Variants in DIAPH2 observed in about 807,000 individuals in gnomAD.
DIAPH2 encodes the protein protein diaphanous homolog 2.
In DIAPH2, 35 loss-of-function variants were observed where a neutral mutation model predicts 92.7. That is an observed-to-expected ratio of 0.38 (90% CI 0.29 to 0.50). The LOEUF is 0.50. Among genes scored for constraint, DIAPH2 ranks in the 20% least tolerant of loss-of-function variants. DIAPH2 has a pLI of 0.94. For missense variants in DIAPH2, 701 were observed against 819.5 expected, an observed-to-expected ratio of 0.86 and a Z score of 1.77; for synonymous variants, 301 against 280.4, an observed-to-expected ratio of 1.07 and a Z score of -0.73.
intron 21 of DIAPH2, among the ~76,000 whole-genome samples, chrX:97,118,939 A>G (rs2067034904): frequency 9.0e-6 from 1 of 111,661 alleles, no homozygotes; most frequent in Non-Finnish European, 1.9e-5. Flanking sequence ...TTTCTTGAAT[A>G]TTTCTCCCTT....
At chrX:96,887,510 C>T (rs1259794576) in intron 5 of DIAPH2, among the ~76,000 whole-genome samples, 1 of 110,864 alleles carries the variant, frequency 9.0e-6, no homozygotes, top group East Asian at 2.8e-4. Context: ...TCCTATGGCT[C>T]ACAGGCTTAC....
chrX:96,957,762 A>C, intron 15 of DIAPH2, 66 bp from the exon 16 acceptor site: 1 of 754,620 alleles, frequency 1.3e-6, no homozygotes, highest in Non-Finnish European at 2.0e-6. Context: ...ATCTATTGAT[A>C]TATATTTCTT....
intron 26 of DIAPH2, among the ~76,000 whole-genome samples, chrX:97,597,968 T>A (rs1007451285): frequency 6.3e-5 from 7 of 111,319 alleles, no homozygotes; most frequent in African/African-American, 2.0e-4. Context: ...TCAGGACACA[T>A]ACCGTGGTGT....
At chrX:97,189,491 CAGA>C (rs2067635296) in intron 22 of DIAPH2, among the ~76,000 whole-genome samples, 2 of 90,476 alleles carry the variant, frequency 2.2e-5, no homozygotes, top group Non-Finnish European at 4.2e-5. Flanking sequence ...CTGGACACTA[CAGA>C]AGTACTGTAT....
chrX:96,807,502 T>A (rs896254920), intron 4 of DIAPH2, among the ~76,000 whole-genome samples: 2 of 111,168 alleles, frequency 1.8e-5, no homozygotes, highest in African/African-American at 6.5e-5. Flanking sequence ...TTTGGATCAT[T>A]CAAATGAAAA....
intron 9 of DIAPH2, among the ~76,000 whole-genome samples, chrX:96,923,476 A>C (rs760716363): frequency 1.7e-4 from 19 of 112,211 alleles, no homozygotes; most frequent in African/African-American, 5.5e-4. Flanking sequence ...GCAGCCTACA[A>C]ATGTCACCAG....
At chrX:97,177,910 T>TA (rs1413651996) in intron 22 of DIAPH2, among the ~76,000 whole-genome samples, 2 of 111,129 alleles carry the variant, frequency 1.8e-5, no homozygotes, top group Non-Finnish European at 3.8e-5. Flanking sequence ...CTGATTTAAT[T>TA]AAAAAATCTA....
At chrX:97,563,974 T>A (rs964754963) in intron 26 of DIAPH2, among the ~76,000 whole-genome samples, 3 of 112,129 alleles carry the variant, frequency 2.7e-5, no homozygotes, top group African/African-American at 9.7e-5. Context: ...ACAGGATGAA[T>A]TATTGCAAGT....
intron 22 of DIAPH2, among the ~76,000 whole-genome samples, chrX:97,227,023 C>T (rs1203839093): frequency 9.0e-6 from 1 of 110,982 alleles, no homozygotes; most frequent in East Asian, 2.9e-4. Context: ...GTAATCCCAG[C>T]AGTTTGGGAG....
At chrX:97,301,383 A>T (rs1408475072) in intron 23 of DIAPH2, among the ~76,000 whole-genome samples, 1 of 111,004 alleles carries the variant, frequency 9.0e-6, no homozygotes, top group Admixed American at 9.6e-5. Flanking sequence ...TTTATATAAC[A>T]TATCTTAGGT....
intron 17 of DIAPH2, among the ~76,000 whole-genome samples, chrX:97,061,008 A>G: frequency 8.9e-6 from 1 of 112,182 alleles, no homozygotes. Flanking sequence ...ACACACACAC[A>G]CACGCAACAG....
rs150414956 is a variant in DIAPH2 at position 97,337,104 on chromosome X, A to G, written c.2845-11012A>G. On this transcript the variant is annotated intron_variant, in intron 23 of 26. Coordinates refer to ENST00000324765, the MANE Select transcript of DIAPH2 (RefSeq NM_006729.5). ...CTTTGTTATATTATTTAAATGTCCTATGCCTCGATTTTCTTTCTTTCTTTT... is the reference window on the plus strand; with the variant it reads ...CTTTGTTATATTATTTAAATGTCCTGTGCCTCGATTTTCTTTCTTTCTTTT... Among the ~76,000 whole-genome samples, 325 of 108,343 alleles carry G rather than the reference A, an allele frequency of 3.0e-3. 2 individuals carry two copies. Among genetic ancestry groups the G allele is most frequent in the African/African-American group, 0.011 (313 of 29,602 alleles). 94.1% of individuals were successfully genotyped at this position (108,343 alleles called of 115,157 possible).
At chrX:97,106,909 A>T (rs906838699) in intron 20 of DIAPH2, among the ~76,000 whole-genome samples, 1 of 111,994 alleles carries the variant, frequency 8.9e-6, no homozygotes, top group South Asian at 3.8e-4. Flanking sequence ...TCCAACCTGG[A>T]TGACAGAGCA....
Position 97,212,204 on chromosome X carries a change from C to T in DIAPH2, c.2720-35511C>T, listed in dbSNP as rs1451760265. 4.5e-5 allele frequency among the ~76,000 whole-genome samples: 5 copies of T among 111,573 alleles called. No individual in the cohort carries two copies. In the South Asian group the frequency reaches 1.5e-3, roughly 33 times the overall value. ...GTGCCTTCTATTGAAAATAAAATATCCCTTCAGCATCTAAAATGTCACTTG... is the reference window on the plus strand; with the variant it reads ...GTGCCTTCTATTGAAAATAAAATATTCCTTCAGCATCTAAAATGTCACTTG... On this transcript the variant is annotated intron_variant, in intron 22 of 26. Transcript: ENST00000324765.
rs548699158 is a variant in DIAPH2, at chrX:97,472,171, G to C, written c.3241+42426G>C. Reference sequence around the variant, plus strand: ...AATAGTCACTGGAATGCTTTTAAGAGATTTCAAATCATAGAGTTGAAAATT... The same window carrying C: ...AATAGTCACTGGAATGCTTTTAAGACATTTCAAATCATAGAGTTGAAAATT... On this transcript the variant is annotated intron_variant, in intron 26 of 26. Transcript: ENST00000324765. 6.2e-4 allele frequency among the ~76,000 whole-genome samples: 70 copies of C among 112,288 alleles called. No homozygotes were observed. In the South Asian group the frequency reaches 0.012, roughly 18 times the overall value.
At chrX:96,918,312 T>G (rs910242109) in intron 8 of DIAPH2, among the ~76,000 whole-genome samples, 197 bp from the exon 9 acceptor site, 1 of 111,708 alleles carries the variant, frequency 9.0e-6, no homozygotes, top group Admixed American at 9.6e-5. Context: ...TTAGCTTGAT[T>G]TAGCCATTCC....
intron 5 of DIAPH2, 92 bp from the exon 6 acceptor site, chrX:96,912,236 A>G: frequency 1.4e-6 from 1 of 707,477 alleles, no homozygotes; most frequent in South Asian, 2.7e-5. Context: ...AGACAGAATT[A>G]TCAGATTTGA....
At chrX:97,304,232 T>C (rs1415225177) in intron 23 of DIAPH2, among the ~76,000 whole-genome samples, 3 of 112,253 alleles carry the variant, frequency 2.7e-5, no homozygotes, top group Non-Finnish European at 5.6e-5. Context: ...TTTCAGATCA[T>C]GTCATCCAGT....
chrX:97,302,840 C>T (rs975595960), intron 23 of DIAPH2, among the ~76,000 whole-genome samples: 7 of 111,088 alleles, frequency 6.3e-5, no homozygotes, highest in African/African-American at 1.3e-4. Context: ...AAAAATTAGC[C>T]GGGCGCGGTG....
Sources: gnomAD v4.1 joint callset for allele counts (sites outside exome capture counted in the v4.1 genomes callset) on GRCh38, gnomAD v4.1.1 for gene constraint, MANE v1.5 for transcripts, NCBI Gene and HGNC (gene_info 2026-07-23, HGNC 2026-07-21) for gene names.